CNBD1: variants seen among roughly 807,000 people sequenced by gnomAD.
CNBD1 encodes cyclic nucleotide binding domain containing 1.
CNBD1 carries 71 observed loss-of-function variants against 54.4 expected under a neutral mutation model. That is an observed-to-expected ratio of 1.30 (90% CI 1.08 to 1.59). The LOEUF (loss-of-function observed/expected upper bound fraction) is 1.59, where lower values mean the gene tolerates loss of function less well. CNBD1 is among the 40% of genes most tolerant of loss of function. CNBD1 has a pLI of 0.00. For missense variants in CNBD1, 659 were observed against 518.0 expected, an observed-to-expected ratio of 1.27 and a Z score of -2.64; for synonymous variants, 182 against 170.7, an observed-to-expected ratio of 1.07 and a Z score of -0.51.
At chr8:86,947,885 A>G (rs776491002) in intron 4 of CNBD1, among the ~76,000 whole-genome samples, 7 of 152,034 alleles carry the variant, frequency 4.6e-5, no homozygotes, top group Non-Finnish European at 5.9e-5. Flanking sequence ...TCTTTTAGCC[A>G]TCCCTACCTC....
intron 1 of CNBD1, among the ~76,000 whole-genome samples, chr8:86,870,897 G>T: frequency 6.6e-6 from 1 of 152,136 alleles, no homozygotes; most frequent in East Asian, 1.9e-4. Context: ...GTCCATTTCT[G>T]TGTCTATATA....
At chr8:87,103,715 C>T (rs887474511) in intron 4 of CNBD1, among the ~76,000 whole-genome samples, 1 of 152,150 alleles carries the variant, frequency 6.6e-6, no homozygotes, top group Non-Finnish European at 1.5e-5. Flanking sequence ...CCACTGGGTC[C>T]CACCCACGAC....
At chr8:87,372,488 C>A (rs1810833320) in intron 10 of CNBD1, among the ~76,000 whole-genome samples, 1 of 151,864 alleles carries the variant, frequency 6.6e-6, no homozygotes, top group Admixed American at 6.6e-5. Flanking sequence ...TTCCAAATTT[C>A]TTCAGAAACT....
chr8:87,239,180 C>A (rs1807639822), intron 6 of CNBD1, among the ~76,000 whole-genome samples: 1 of 152,104 alleles, frequency 6.6e-6, no homozygotes, highest in Admixed American at 6.6e-5. Flanking sequence ...TCAAGGCAGA[C>A]AATTTTAACT....
chr8:87,320,196 T>A (rs1302495965), intron 8 of CNBD1, among the ~76,000 whole-genome samples: 1 of 152,066 alleles, frequency 6.6e-6, no homozygotes, highest in East Asian at 1.9e-4. Flanking sequence ...CTAGCTTAAC[T>A]TTTTATTGTT....
At chr8:86,874,983 A>AATTT (rs1392538987) in intron 1 of CNBD1, among the ~76,000 whole-genome samples, 1 of 61,328 alleles carries the variant, frequency 1.6e-5, no homozygotes, top group Admixed American at 1.9e-4. Context: ...TTTGTAAATC[A>AATTT]ATTTATATAT....
intron 6 of CNBD1, among the ~76,000 whole-genome samples, chr8:87,254,926 T>G (rs933431324): frequency 2.0e-5 from 3 of 152,156 alleles, no homozygotes; most frequent in Non-Finnish European, 2.9e-5. Context: ...GCAAAATACT[T>G]TTTTTTCCTG....
At chr8:87,151,063 G>A (rs1162502131) in intron 4 of CNBD1, among the ~76,000 whole-genome samples, 7 of 152,120 alleles carry the variant, frequency 4.6e-5, no homozygotes, top group African/African-American at 1.4e-4. Context: ...AATTACCAGA[G>A]GAATTCACAG....
intron 4 of CNBD1, among the ~76,000 whole-genome samples, chr8:87,190,761 T>G (rs112203971): frequency 1.8e-4 from 28 of 151,878 alleles, no homozygotes; most frequent in African/African-American, 5.1e-4. Flanking sequence ...ATTTTCACTA[T>G]AGTCATGTGT....
intron 8 of CNBD1, among the ~76,000 whole-genome samples, chr8:87,330,909 G>A (rs1809813828): frequency 1.3e-5 from 2 of 152,084 alleles, no homozygotes; most frequent in Admixed American, 1.3e-4. Flanking sequence ...GTTTCTCATA[G>A]CCAACATATA....
intron 4 of CNBD1, among the ~76,000 whole-genome samples, chr8:87,200,308 G>A (rs1330669974): frequency 6.6e-6 from 1 of 152,114 alleles, no homozygotes; most frequent in Non-Finnish European, 1.5e-5. Context: ...AAACATCACA[G>A]TCAGTGTTCA....
intron 8 of CNBD1, among the ~76,000 whole-genome samples, chr8:87,307,765 T>TATATATATATAA (rs1176218138): frequency 6.7e-6 from 1 of 149,092 alleles, no homozygotes; most frequent in African/African-American, 2.5e-5. Context: ...TATATATATA[T>TATATATATATAA]AACTTAGCAA....
chr8:87,406,264 G>A (rs1463703241), intron 2 of CNBD1, among the ~76,000 whole-genome samples: 1 of 151,918 alleles, frequency 6.6e-6, no homozygotes, highest in Non-Finnish European at 1.5e-5. Flanking sequence ...TCTGTAGTAT[G>A]ATATTATTTT....
At chr8:87,416,216 G>C (rs888359668) in intron 2 of CNBD1, among the ~76,000 whole-genome samples, 1 of 151,894 alleles carries the variant, frequency 6.6e-6, no homozygotes, top group Non-Finnish European at 1.5e-5. Flanking sequence ...TAAACCTCTT[G>C]CAATATATAA....
chr8:87,015,617 C>T (rs1030881941), intron 4 of CNBD1, among the ~76,000 whole-genome samples: 2 of 152,184 alleles, frequency 1.3e-5, no homozygotes, highest in South Asian at 2.1e-4. Flanking sequence ...CTTTCTCCTT[C>T]ACCTTTTGTT....
chr8:87,019,674 T>A (rs1267943171), intron 4 of CNBD1, among the ~76,000 whole-genome samples: 25 of 152,070 alleles, frequency 1.6e-4, no homozygotes, highest in Admixed American at 1.6e-3. Flanking sequence ...CGTCGGGAGT[T>A]CGAGACCAGC....
chr8:87,305,847 A>G (rs1343223713), intron 8 of CNBD1, among the ~76,000 whole-genome samples: 1 of 152,200 alleles, frequency 6.6e-6, no homozygotes, highest in Non-Finnish European at 1.5e-5. Context: ...TGGCTTAAAC[A>G]AGGATTTCAT....
intron 4 of CNBD1, among the ~76,000 whole-genome samples, chr8:86,955,209 C>T (rs1361660170): frequency 3.9e-5 from 6 of 152,136 alleles, no homozygotes; most frequent in Non-Finnish European, 8.8e-5. Flanking sequence ...ATATGTGCTA[C>T]ATTTTCTTAA....
intron 2 of CNBD1, among the ~76,000 whole-genome samples, chr8:87,409,133 C>T (rs1013836527): frequency 1.3e-5 from 2 of 152,030 alleles, no homozygotes; most frequent in Non-Finnish European, 2.9e-5. Flanking sequence ...AAGCTTTTAG[C>T]TAAATAGTAG....
Sources: allele counts gnomAD v4.1 joint callset (sites outside exome capture counted in the v4.1 genomes callset), GRCh38; gene constraint gnomAD v4.1.1; transcripts MANE v1.5; gene names NCBI Gene and HGNC (gene_info 2026-07-23, HGNC 2026-07-21).